Variants in EWSR1 observed in about 807,000 individuals in gnomAD.
EWSR1 encodes the protein RNA-binding protein EWS.
A neutral mutation model predicts 92.1 loss-of-function variants in EWSR1; 14 were observed. The ratio of observed to expected loss-of-function variants is 0.15; its 90% CI spans 0.10 to 0.24. The LOEUF (loss-of-function observed/expected upper bound fraction) is 0.24, where lower values mean the gene tolerates loss of function less well. Among genes scored for constraint, EWSR1 ranks in the 10% least tolerant of loss-of-function variants. The probability of loss-of-function intolerance (pLI) is 1.00; values close to 1 mark genes in which losing one functional copy is unlikely to be tolerated. For missense variants in EWSR1, 637 were observed against 870.9 expected, an observed-to-expected ratio of 0.73 and a Z score of 3.38; for synonymous variants, 303 against 292.9, an observed-to-expected ratio of 1.03 and a Z score of -0.35.
rs1342368543 is a variant in EWSR1 at position 29,296,258 on chromosome 22, A to T, written c.1184A>T (p.Gln395Leu). Residue 395 changes from glutamine (Q) to leucine (L), a missense_variant, in exon 12 of 17, where the codon CAA (glutamine) becomes CTA (leucine). Physicochemically the swap from Gln to Leu is moderately radical, Grantham distance 113. Around this residue, in one of 5 missense-constraint regions of EWSR1, gnomAD observed 363 missense variants for 447.8 expected, o/e 0.81. Coordinates refer to ENST00000397938, the MANE Select transcript of EWSR1 (RefSeq NM_005243.4). ...GVVKMNKRTG[Q>L]PMIHIYLDKE... is the part of the protein sequence containing the mutation. ...GTCTAGATGAACAAGAGAACTGGGCAACCCATGATCCACATCTACCTGGAC... is the reference window on the plus strand; with the variant it reads ...GTCTAGATGAACAAGAGAACTGGGCTACCCATGATCCACATCTACCTGGAC... 4 of 1,614,056 alleles carry T rather than the reference A, an allele frequency of 2.5e-6. No homozygotes were observed. The highest frequency in any genetic ancestry group is 3.4e-6 in the Non-Finnish European group (4 of 1,180,012).
chr22:29,272,152 CCT>C, intron 1 of EWSR1, 62 bp from the exon 2 acceptor site: 1 of 1,459,554 alleles, frequency 6.9e-7, no homozygotes, highest in South Asian at 1.1e-5. Flanking sequence ...ATTCTTTCCC[CCT>C]TTTTTCTCTT....
intron 6 of EWSR1, 114 bp from the exon 7 acceptor site, chr22:29,286,807 ACT>A: frequency 1.4e-6 from 1 of 690,440 alleles, no homozygotes. Context: ...GAAAGTAACT[ACT>A]GTTTTATGGA....
chr22:29,297,731 G>T, intron 12 of EWSR1, 96 bp from the exon 13 acceptor site: 1 of 1,495,896 alleles, frequency 6.7e-7, no homozygotes, highest in Non-Finnish European at 9.1e-7. Flanking sequence ...ATTACAGGCA[G>T]ACCTAATGCA....
At chr22:29,279,032 C>T (rs905727123) in intron 5 of EWSR1, among the ~76,000 whole-genome samples, 2 of 150,680 alleles carry the variant, frequency 1.3e-5, no homozygotes, top group East Asian at 1.9e-4. Flanking sequence ...ATCGAAGGGT[C>T]AAAATGAGGA....
chr22:29,272,941 A>G (rs1023690781), intron 3 of EWSR1, among the ~76,000 whole-genome samples: 4 of 152,196 alleles, frequency 2.6e-5, no homozygotes, highest in East Asian at 3.8e-4. Flanking sequence ...TTAGCCTTCT[A>G]GTGTTTTCAA....
At position 29,278,215 on chromosome 22, in the gene EWSR1, A is replaced by G. The variant is rs753897217; in HGVS notation, c.412A>G (p.Arg138Gly). The change falls in exon 5 of 17, where the codon AGA becomes GGA. Residue 138 changes from arginine (R) to glycine (G), a missense_variant and splice_region_variant. Around this residue, in one of 5 missense-constraint regions of EWSR1, gnomAD observed 144 missense variants for 189.0 expected, o/e 0.76. Transcript: ENST00000397938. ...GCAGCCAGCAGCCACTGCACCTACA[A>G]GGTAAGGCCATGGTGTCCTTAATGC... ...GQQPAATAPTRPQDGNKPTET... is the reference protein window; with the variant it reads ...GQQPAATAPTGPQDGNKPTET... The G allele has an allele frequency of 6.2e-7, 1 of 1,613,688 alleles. No individual in the cohort carries two copies. The highest frequency in any genetic ancestry group is 8.5e-7 in the Non-Finnish European group (1 of 1,179,726).
chr22:29,268,643 C>T (rs974598992), intron 1 of EWSR1, among the ~76,000 whole-genome samples: 1 of 152,162 alleles, frequency 6.6e-6, no homozygotes, highest in Non-Finnish European at 1.5e-5. Context: ...GAGCTCCGGG[C>T]CTCCCGCCAC....
At chr22:29,290,714 TA>T (rs35674466) in intron 8 of EWSR1, 1 of 1,279,802 alleles carries the variant, frequency 7.8e-7, no homozygotes, top group African/African-American at 1.5e-5. Flanking sequence ...TGTGTACTTT[TA>T]AAAAGGAAAC....
intron 6 of EWSR1, among the ~76,000 whole-genome samples, chr22:29,284,060 C>G (rs2059829056): frequency 6.6e-6 from 1 of 151,240 alleles, no homozygotes; most frequent in African/African-American, 2.5e-5. Flanking sequence ...TCTTGAACTC[C>G]CATCCTCAGG....
At chr22:29,271,190 C>G (rs1226001742) in intron 1 of EWSR1, among the ~76,000 whole-genome samples, 1 of 152,056 alleles carries the variant, frequency 6.6e-6, no homozygotes, top group Non-Finnish European at 1.5e-5. Flanking sequence ...AATGGCAGTA[C>G]TGTCTTCAGA....
chr22:29,291,417 G>A, intron 8 of EWSR1, 145 bp from the exon 9 acceptor site: 1 of 726,558 alleles, frequency 1.4e-6, no homozygotes. Context: ...CTGCCCTGAA[G>A]AAAGGCATAG....
chr22:29,292,748 TA>T (rs949972170), intron 11 of EWSR1, 142 bp downstream of exon 11: 1 of 515,690 alleles, frequency 1.9e-6, no homozygotes, highest in South Asian at 3.9e-5. Context: ...TGTTCCTTTT[TA>T]AAAAAGATTA....
chr22:29,286,613 G>C (rs906975785), intron 6 of EWSR1, among the ~76,000 whole-genome samples: 4 of 149,932 alleles, frequency 2.7e-5, no homozygotes, highest in Admixed American at 2.7e-4. Context: ...CATGAACCCG[G>C]GAGGCAGAGC....
chr22:29,284,083 C>G (rs1414904683), intron 6 of EWSR1, among the ~76,000 whole-genome samples: 1 of 151,364 alleles, frequency 6.6e-6, no homozygotes, highest in Non-Finnish European at 1.5e-5. Flanking sequence ...ATCCGCCTGC[C>G]TCGGCCTCCC....
chr22:29,289,079 GGTA>G, intron 8 of EWSR1: 2 of 341,296 alleles, frequency 5.9e-6, no homozygotes, highest in Non-Finnish European at 1.1e-5. Flanking sequence ...AGCCTCTGTG[GGTA>G]GTAGATTTGG....
At chr22:29,289,992 TATC>T in intron 8 of EWSR1, 1 of 233,092 alleles carries the variant, frequency 4.3e-6, no homozygotes. Flanking sequence ...TTGAAAGTAC[TATC>T]ATCACGTCTC....
At chr22:29,273,614 T>G in intron 3 of EWSR1, 127 bp from the exon 4 acceptor site, 1 of 1,054,304 alleles carries the variant, frequency 9.5e-7, no homozygotes, top group Non-Finnish European at 1.4e-6. Flanking sequence ...TTTGTTGTTT[T>G]TGTTTTGTTT....
chr22:29,299,026 T>G, intron 14 of EWSR1, 131 bp downstream of exon 14: 1 of 1,309,104 alleles, frequency 7.6e-7, no homozygotes, highest in Non-Finnish European at 1.0e-6. Flanking sequence ...TTAGGGACAC[T>G]AGTCAGCCAT....
intron 8 of EWSR1, chr22:29,291,056 G>A (rs566319664): frequency 1.1e-4 from 25 of 236,472 alleles, no homozygotes; most frequent in African/African-American, 4.6e-4. Flanking sequence ...GGCTGGATGC[G>A]TCCTCTGATG....
Sources: allele counts gnomAD v4.1 joint callset (sites outside exome capture counted in the v4.1 genomes callset), GRCh38; gene constraint gnomAD v4.1.1; regional missense constraint gnomAD v4.1.1; transcripts MANE v1.5; gene names NCBI Gene and HGNC (gene_info 2026-07-23, HGNC 2026-07-21).